PRKAG2: variants seen among roughly 807,000 people sequenced by gnomAD.
PRKAG2 encodes 5'-AMP-activated protein kinase subunit gamma-2.
PRKAG2 carries 26 observed loss-of-function variants against 69.6 expected under a neutral mutation model. That is an observed-to-expected ratio of 0.37 (90% confidence interval 0.27 to 0.52). The LOEUF is 0.52. PRKAG2 is among the 20% of genes least tolerant of loss of function. PRKAG2 has a pLI of 0.90. For synonymous variants in PRKAG2, 293 were observed against 285.0 expected (o/e 1.03, Z -0.28); for missense variants, 557 against 740.0 (o/e 0.75, Z 2.87).
chr7:151,774,993 C>T (rs780316216), intron 3 of PRKAG2, among the ~76,000 whole-genome samples: 1 of 152,168 alleles, frequency 6.6e-6, no homozygotes, highest in African/African-American at 2.4e-5. Context: ...ACAGAAGACT[C>T]AGAAAACAGG....
chr7:151,808,085 G>T (rs929830246), intron 1 of PRKAG2, among the ~76,000 whole-genome samples: 2 of 152,150 alleles, frequency 1.3e-5, no homozygotes, highest in African/African-American at 4.8e-5. Flanking sequence ...CACAGCGGGC[G>T]GGGCTCCCCA....
chr7:151,634,967 T>C (rs1202423994), intron 4 of PRKAG2, among the ~76,000 whole-genome samples: 1 of 148,494 alleles, frequency 6.7e-6, no homozygotes, highest in African/African-American at 2.5e-5. Context: ...CTTTTTTTTT[T>C]GAGACAGGGT....
intron 15 of PRKAG2, 37 bp from the exon 16 acceptor site, chr7:151,557,269 T>C (rs1179654812): frequency 2.4e-5 from 39 of 1,613,704 alleles, no homozygotes; most frequent in Non-Finnish European, 3.3e-5. Context: ...TCAAAGCTCA[T>C]GGTAACAGCA....
rs574809413 is a variant in PRKAG2, at chr7:151,836,679, G to A, written c.114+39828C>T. The stretch of plus-strand genomic sequence containing the variant: ...CAGCCTTAGCGGGGCACAGGAGGGC[G>A]TGTATGCGGGTCCTCCAGGGTCCTC... On this transcript the variant is annotated intron_variant, in intron 1 of 15. Coordinates refer to ENST00000287878, the MANE Select transcript of PRKAG2 (RefSeq NM_016203.4). This position sits in a 1 kb window ranked among gnomAD's most constrained non-coding sequence, Gnocchi z 4.1. 5.3e-4 allele frequency among the ~76,000 whole-genome samples: 80 copies of A among 152,288 alleles called. No individual in the cohort carries two copies. The highest frequency in any genetic ancestry group is 2.1e-4 in the South Asian group (1 of 4,826).
chr7:151,705,760 A>G (rs959835345), intron 3 of PRKAG2, among the ~76,000 whole-genome samples: 1 of 152,108 alleles, frequency 6.6e-6, no homozygotes, highest in African/African-American at 2.4e-5. Context: ...GTCCCCTCCT[A>G]GAGCAAGAGT....
intron 1 of PRKAG2, among the ~76,000 whole-genome samples, chr7:151,829,861 C>G (rs1480892909): frequency 6.6e-6 from 1 of 151,804 alleles, no homozygotes; most frequent in Non-Finnish European, 1.5e-5. Context: ...GCAGGAGAGT[C>G]CTGGAGGGGG....
intron 1 of PRKAG2, among the ~76,000 whole-genome samples, chr7:151,839,755 A>G (rs1294739308): frequency 6.6e-6 from 1 of 152,184 alleles, no homozygotes; most frequent in Admixed American, 6.5e-5. Flanking sequence ...CTGAGCCCCA[A>G]GTGGTCACAC....
chr7:151,670,749 G>A (rs181249269), intron 4 of PRKAG2, among the ~76,000 whole-genome samples: 10 of 152,142 alleles, frequency 6.6e-5, no homozygotes, highest in African/African-American at 2.4e-4. Context: ...TTAATCAAAT[G>A]GTAAATAAAA....
chr7:151,576,277 A>G, intron 7 of PRKAG2, 94 bp downstream of exon 7: 1 of 1,120,602 alleles, frequency 8.9e-7, no homozygotes, highest in Non-Finnish European at 1.3e-6. Context: ...CATGTTTACT[A>G]GGTTGAATTC....
At chr7:151,697,080 G>T (rs1480788911) in intron 3 of PRKAG2, among the ~76,000 whole-genome samples, 1 of 152,088 alleles carries the variant, frequency 6.6e-6, no homozygotes, top group Non-Finnish European at 1.5e-5. Context: ...TGGGGAAGGG[G>T]TGTGTAGCCT....
At chr7:151,795,866 T>TCACG (rs2077489011) in intron 1 of PRKAG2, among the ~76,000 whole-genome samples, 1 of 106,752 alleles carries the variant, frequency 9.4e-6, no homozygotes, top group African/African-American at 4.3e-5. Context: ...TATATATATA[T>TCACG]ATATATATAT....
At chr7:151,569,127 G>A (rs902987518) in intron 10 of PRKAG2, among the ~76,000 whole-genome samples, 1 of 152,092 alleles carries the variant, frequency 6.6e-6, no homozygotes, top group African/African-American at 2.4e-5. Flanking sequence ...ATGGCTCACT[G>A]CAGCCTTGAC....
chr7:151,798,648 GAA>G (rs1253050797), intron 1 of PRKAG2, among the ~76,000 whole-genome samples: 1 of 152,162 alleles, frequency 6.6e-6, no homozygotes, highest in Non-Finnish European at 1.5e-5. Context: ...TGTTGTGGGT[GAA>G]AAAGTCTGAA....
chr7:151,810,126 T>G (rs1008790700), intron 1 of PRKAG2: 2 of 152,236 alleles, frequency 1.3e-5, no homozygotes, highest in Non-Finnish European at 2.9e-5. Flanking sequence ...CAGTTCTCCC[T>G]TCTGACAACA....
chr7:151,808,355 T>C (rs2078228834), intron 1 of PRKAG2, among the ~76,000 whole-genome samples: 3 of 152,172 alleles, frequency 2.0e-5, no homozygotes, highest in African/African-American at 4.8e-5. Context: ...TCTCTCTTCA[T>C]GGGTGAAACT....
In PRKAG2 at chr7:151,845,433, C is replaced by T. The variant is rs181759910; in HGVS notation, c.114+31074G>A. ...TGCTAGAAAAGCACATTCATGAACC[C>T]GCCTCAGACCTACTGAACGGAAAAC... On this transcript the variant is annotated intron_variant, in intron 1 of 15. Transcript: ENST00000287878. Among the ~76,000 whole-genome samples, 6 of 149,196 alleles carry T rather than the reference C, an allele frequency of 4.0e-5. No homozygotes were observed. The East Asian group carries it at 1.0e-3, about 25-fold the overall frequency.
intron 1 of PRKAG2, chr7:151,809,295 G>A (rs1013231096): frequency 1.1e-5 from 5 of 456,094 alleles, no homozygotes; most frequent in Admixed American, 4.7e-5. Flanking sequence ...CCCCTACCCC[G>A]AGACGGGTGC....
intron 4 of PRKAG2, among the ~76,000 whole-genome samples, chr7:151,646,877 G>A (rs1261910457): frequency 6.6e-6 from 1 of 152,214 alleles, no homozygotes; most frequent in African/African-American, 2.4e-5. Flanking sequence ...CATTTGACGT[G>A]TGCACACTGG....
intron 3 of PRKAG2, among the ~76,000 whole-genome samples, chr7:151,725,088 C>T (rs570272519): frequency 7.9e-5 from 12 of 152,108 alleles, no homozygotes; most frequent in Non-Finnish European, 1.6e-4. Flanking sequence ...CCTCAAAGGG[C>T]CTGTGATCCC....
Sources: allele counts gnomAD v4.1 joint callset (sites outside exome capture counted in the v4.1 genomes callset), GRCh38; gene constraint gnomAD v4.1.1; non-coding constraint Gnocchi (gnomAD v3.1); transcripts MANE v1.5; gene names NCBI Gene and HGNC (gene_info 2026-07-23, HGNC 2026-07-21).